Variants in SCAPER observed in about 807,000 individuals in gnomAD.
SCAPER encodes S phase cyclin A-associated protein in the endoplasmic reticulum.
A neutral mutation model predicts 182.2 loss-of-function variants in SCAPER; 98 were observed. That is an observed-to-expected ratio of 0.54 (90% CI 0.46 to 0.64). The LOEUF (loss-of-function observed/expected upper bound fraction) is 0.64, where lower values mean the gene tolerates loss of function less well. SCAPER is among the 30% of genes least tolerant of loss of function. The pLI, the probability that SCAPER is intolerant of heterozygous loss-of-function variation, is 0.00. For synonymous variants in SCAPER, 605 were observed against 564.6 expected, an observed-to-expected ratio of 1.07 and a Z score of -1.01; for missense variants, 1,432 against 1,690.0, an observed-to-expected ratio of 0.85 and a Z score of 2.68.
In SCAPER at chr15:76,595,146, A is replaced by C. The variant is rs1211604899; in HGVS notation, c.2712-20862T>G. Among the ~76,000 whole-genome samples the C allele has an allele frequency of 2.5e-5, 3 of 121,652 alleles. 1 individual carries two copies. The highest frequency in any genetic ancestry group is 2.5e-5 in the African/African-American group (1 of 39,758). 79.8% of individuals were successfully genotyped at this position (121,652 alleles called of 152,430 possible). A position where few individuals can be genotyped will look rare whatever the true frequency, so the allele number is the denominator to read the frequency against. On this transcript the variant is annotated intron_variant, in intron 22 of 31. Coordinates refer to ENST00000563290, the MANE Select transcript of SCAPER (RefSeq NM_020843.4). ...GGATGGAGGAAGATCCATGAAGCAA[A>C]TGAAAAGCAAAAGAAAAGCAGGGGT...
At chr15:76,719,465 G>C (rs974562142) in intron 17 of SCAPER, among the ~76,000 whole-genome samples, 1 of 152,166 alleles carries the variant, frequency 6.6e-6, no homozygotes, top group Non-Finnish European at 1.5e-5. Context: ...AACAAGTCTA[G>C]AGATCTAATG....
chr15:76,637,732 ATATATATATATGTGTGTGTGTGTGTGTG>A (rs1277140516), intron 21 of SCAPER, among the ~76,000 whole-genome samples: 1 of 29,856 alleles, frequency 3.3e-5, no homozygotes, highest in African/African-American at 8.9e-5. Context: ...TTATATATAT[ATATATATATATGTGTGTGTGTGTGTGTG>A]TGTGTGTGTG....
chr15:76,739,677 T>A (rs2061448236), intron 15 of SCAPER, among the ~76,000 whole-genome samples: 1 of 152,198 alleles, frequency 6.6e-6, no homozygotes, highest in Non-Finnish European at 1.5e-5. Context: ...GATTTTCCAT[T>A]TCCTATTTTT....
At chr15:76,550,483 TG>T (rs2045666206) in intron 23 of SCAPER, among the ~76,000 whole-genome samples, 1 of 152,228 alleles carries the variant, frequency 6.6e-6, no homozygotes, top group Admixed American at 6.5e-5. Flanking sequence ...CTGAGGATGA[TG>T]GCTTCCAGTT....
chr15:76,652,274 ATATATATATATATATATATATAT>A lies in SCAPER; in HGVS notation c.2645+13356_2645+13378del, dbSNP rs1446530485. Among the ~76,000 whole-genome samples, 5 of 10,642 alleles carry A rather than the reference ATATATATATATATATATATATAT, an allele frequency of 4.7e-4. 1 individual carries two copies. The highest frequency in any genetic ancestry group is 7.9e-4 in the Non-Finnish European group (5 of 6,334). 7.0% of individuals were successfully genotyped at this position (10,642 alleles called of 152,430 possible). On this transcript the variant is annotated intron_variant, in intron 21 of 31. Coordinates refer to ENST00000563290, the MANE Select transcript of SCAPER (RefSeq NM_020843.4). Reference sequence around the variant, plus strand: ...TCTCTGCTAAAAAAAAAAAAAAAAAATATATATATATATATATATATATATATATATATATACACACACACACA... The same window carrying A: ...TCTCTGCTAAAAAAAAAAAAAAAAAAATATATATATATACACACACACACA...
chr15:76,618,441 G>A (rs923184066), intron 22 of SCAPER, among the ~76,000 whole-genome samples: 1 of 151,738 alleles, frequency 6.6e-6, no homozygotes, highest in African/African-American at 2.4e-5. Flanking sequence ...AATGATTTTA[G>A]ATCTATGAAA....
intron 24 of SCAPER, among the ~76,000 whole-genome samples, chr15:76,495,577 CAAAAAAAAAAAA>C (rs71444987): frequency 1.2e-4 from 7 of 56,956 alleles, no homozygotes; most frequent in East Asian, 6.4e-4. Flanking sequence ...GACTTGGTCT[CAAAAAAAAAAAA>C]AAAAAAAAAA....
intron 20 of SCAPER, among the ~76,000 whole-genome samples, chr15:76,696,928 C>T (rs1256752002): frequency 6.6e-6 from 1 of 152,070 alleles, no homozygotes; most frequent in East Asian, 1.9e-4. Flanking sequence ...AGTCAAATTA[C>T]AATAAAAACA....
chr15:76,383,918 A>G (rs969843250), intron 27 of SCAPER, among the ~76,000 whole-genome samples: 13 of 152,244 alleles, frequency 8.5e-5, no homozygotes, highest in African/African-American at 3.1e-4. Flanking sequence ...TTTGTCTCAT[A>G]GTACTCAATA....
At chr15:76,618,868 G>T (rs1340436149) in intron 22 of SCAPER, among the ~76,000 whole-genome samples, 1 of 152,138 alleles carries the variant, frequency 6.6e-6, no homozygotes, top group Non-Finnish European at 1.5e-5. Flanking sequence ...ATTTTGAGAT[G>T]GAGCCTTGCT....
rs1241402500 is a variant in SCAPER, at chr15:76,351,249, A to G, written c.4087T>C (p.Tyr1363His). The G allele has an allele frequency of 6.2e-7, 1 of 1,610,380 alleles. No homozygotes were observed. Among genetic ancestry groups the G allele is most frequent in the Admixed American group, 1.7e-5 (1 of 59,564 alleles). ...AATAGAGACATACCTTTGGGTTGGT[A>G]AGGCTGGTTTTCCGCTTGACCTGGA... ...QTPGQAENQP[Y>H]QPKGKCLGSQ... Residue 1363 changes from tyrosine to histidine, a missense_variant, in exon 31 of 32, where the codon TAC becomes CAC. Transcript: ENST00000563290.
chr15:76,667,657 A>C (rs867085993), intron 20 of SCAPER, among the ~76,000 whole-genome samples: 64 of 128,506 alleles, frequency 5.0e-4, no homozygotes, highest in African/African-American at 1.6e-3. Context: ...AAAAAAAAAA[A>C]AAAAACGCTC....
chr15:76,372,147 C>A (rs12708522), intron 29 of SCAPER, among the ~76,000 whole-genome samples: 148,950 of 152,220 alleles, frequency 0.98, 72,960 homozygotes, highest in South Asian at 1. Context: ...TTTAGTATTC[C>A]ATCCTTCTGG....
intron 14 of SCAPER, among the ~76,000 whole-genome samples, chr15:76,760,978 C>T (rs1007366030): frequency 7.2e-5 from 11 of 152,212 alleles, no homozygotes; most frequent in Middle Eastern, 6.8e-3. Context: ...TCAGTGAAGC[C>T]ATCTGGCCCT....
chr15:76,384,918 T>A (rs1421567079), intron 27 of SCAPER, among the ~76,000 whole-genome samples: 1 of 152,236 alleles, frequency 6.6e-6, no homozygotes, highest in Non-Finnish European at 1.5e-5. Flanking sequence ...AAAGGCCTTA[T>A]TCATATCAGG....
Position 76,354,098 on chromosome 15 carries a change from G to C in SCAPER, c.3898C>G (p.Leu1300Val). ...AAATACTGGAAGGGCAACTGGCAGAGCTTCTGCAGCACTGTGGGGTGGCGG... is the reference window on the plus strand; with the variant it reads ...AAATACTGGAAGGGCAACTGGCAGACCTTCTGCAGCACTGTGGGGTGGCGG... Reference protein sequence around the residue: ...SGRHPTVLQKLCQLPFQYFSD... With the variant: ...SGRHPTVLQKVCQLPFQYFSD... The change falls in exon 30 of 32, where the codon CTC becomes GTC. Residue 1300 changes from leucine (L) to valine (V), a missense_variant. Around this residue, in one of 5 missense-constraint regions of SCAPER, gnomAD observed 718 missense variants for 799.7 expected, o/e 0.90. Transcript: ENST00000563290. The surrounding 1 kb of genome is among the most constrained non-coding windows in gnomAD (Gnocchi z 4.4). The C allele has an allele frequency of 3.7e-6, 6 of 1,610,776 alleles. No individual in the cohort carries two copies. The highest frequency in any genetic ancestry group is 5.1e-6 in the Non-Finnish European group (6 of 1,178,910).
rs1597621814 is a variant in SCAPER at position 76,604,280 on chromosome 15, G to A, written c.2711+17484C>T. Among the ~76,000 whole-genome samples, 3 of 120,828 alleles carry A rather than the reference G, an allele frequency of 2.5e-5. 1 individual carries two copies. In the Admixed American group the frequency reaches 2.8e-4, roughly 11 times the overall value. 79.3% of individuals were successfully genotyped at this position (120,828 alleles called of 152,430 possible). On this transcript the variant is annotated intron_variant, in intron 22 of 31. Transcript: ENST00000563290. Reference sequence around the variant, plus strand: ...TGCCCAGCACCATTTATTAAATAGGGAATCCTTTCCCTATTGCTTGTTTTT... The same window carrying A: ...TGCCCAGCACCATTTATTAAATAGGAAATCCTTTCCCTATTGCTTGTTTTT...
chr15:76,819,299 C>T (rs2067328492), intron 5 of SCAPER, among the ~76,000 whole-genome samples: 1 of 152,180 alleles, frequency 6.6e-6, no homozygotes, highest in African/African-American at 2.4e-5. Flanking sequence ...TCAAGTGGGT[C>T]CCTGATCCCC....
At chr15:76,854,700 C>T (rs1195779284) in intron 4 of SCAPER, among the ~76,000 whole-genome samples, 1 of 151,494 alleles carries the variant, frequency 6.6e-6, no homozygotes, top group African/African-American at 2.4e-5. Flanking sequence ...TAGCTCACAC[C>T]TGTAATCCCA....
Sources: allele counts gnomAD v4.1 joint callset (sites outside exome capture counted in the v4.1 genomes callset), GRCh38; gene constraint gnomAD v4.1.1; regional missense constraint gnomAD v4.1.1; non-coding constraint Gnocchi (gnomAD v3.1); transcripts MANE v1.5; gene names NCBI Gene and HGNC (gene_info 2026-07-23, HGNC 2026-07-21).